Variants in SIX2 observed in about 807,000 individuals in gnomAD.
SIX2 encodes the protein homeobox protein SIX2.
SIX2 carries 20 observed loss-of-function variants against 22.8 expected under a neutral mutation model. That is an observed-to-expected ratio of 0.88 (90% confidence interval 0.62 to 1.28). The LOEUF is 1.28. Among genes scored for constraint, SIX2 ranks in the 50% most tolerant of loss-of-function variants. The pLI, the probability that SIX2 is intolerant of heterozygous loss-of-function variation, is 0.00. For missense variants in SIX2, 360 were observed against 400.0 expected, an observed-to-expected ratio of 0.90 and a Z score of 0.85; for synonymous variants, 195 against 186.4, an observed-to-expected ratio of 1.05 and a Z score of -0.37.
Position 45,006,188 on chromosome 2 carries a change from G to C in SIX2, c.858C>G (p.Leu286=). ...ATGGGTTCTAGGAGCCCAGGTCCACGAGGTTGGCTGACATGGGGTTGAGGA... is the reference window on the plus strand; with the variant it reads ...ATGGGTTCTAGGAGCCCAGGTCCACCAGGTTGGCTGACATGGGGTTGAGGA... ...DSILNPMSAN[L]VDLGS Residue 286 remains leucine (L), a synonymous_variant, in exon 2 of 2, where the codon CTC becomes CTG. Coordinates refer to ENST00000303077, the MANE Select transcript of SIX2 (RefSeq NM_016932.5). This position sits in a 1 kb window ranked among gnomAD's most constrained non-coding sequence, Gnocchi z 4.2. The C allele has an allele frequency of 6.2e-7, 1 of 1,614,250 alleles. No homozygotes were observed. Among genetic ancestry groups the C allele is most frequent in the Non-Finnish European group, 8.5e-7 (1 of 1,180,040 alleles).
rs1572649959 is a variant in SIX2, at chr2:45,008,736, C to T, written c.375G>A (p.Glu125=). The T allele has an allele frequency of 6.2e-7, 1 of 1,614,028 alleles. No individual in the cohort carries two copies. The highest frequency in any genetic ancestry group is 2.2e-5 in the East Asian group (1 of 44,872). The change falls in exon 1 of 2, where the codon GAG becomes GAA. Residue 125 remains glutamate (E), a synonymous_variant. Transcript: ENST00000303077. Reference sequence around the variant, plus strand: ...TTTCCTTGAAGCAGTAGCTGGTCTCCTCGCCGTCCCAGATGGAGCGCGGCA... The same window carrying T: ...TTTCCTTGAAGCAGTAGCTGGTCTCTTCGCCGTCCCAGATGGAGCGCGGCA... ...FPLPRSIWDG[E]ETSYCFKEKS...
In SIX2 at chr2:45,006,637, C is replaced by A; in HGVS notation, c.561-152G>T. 3.9e-6 allele frequency: 3 copies of A among 767,184 alleles called. No individual in the cohort carries two copies. In the South Asian group the frequency reaches 4.3e-5, roughly 11 times the overall value. The allele number at this position is 767,184 out of a possible 1,614,324, so 47.5% of individuals were successfully genotyped here. A position where few individuals can be genotyped will look rare whatever the true frequency, so the allele number is the denominator to read the frequency against. ...TTTTCGGTTTCTACCATTTCCTCGA[C>A]CTGGTCTGGGTTCTCCTTTCTGCCC... is the stretch of plus-strand genomic sequence containing the variant. On this transcript the variant is annotated intron_variant, in intron 1 of 1. Transcript: ENST00000303077. This position sits in a 1 kb window ranked among gnomAD's most constrained non-coding sequence, Gnocchi z 4.2.
rs1328658014 is a variant in SIX2, at chr2:45,009,123, G to T, written c.-13C>A. 6.5e-7 allele frequency: 1 copy of T among 1,539,668 alleles called. No individual in the cohort carries two copies. The highest frequency in any genetic ancestry group is 2.0e-5 in the Admixed American group (1 of 51,236). ...GCAGCATGGACATGGTGCCGGCTGCGTCCCCGCCCGCCCGCGCGCGCCCTC... is the reference window on the plus strand; with the variant it reads ...GCAGCATGGACATGGTGCCGGCTGCTTCCCCGCCCGCCCGCGCGCGCCCTC... On this transcript the variant is annotated 5_prime_UTR_variant, in exon 1 of 2. Transcript: ENST00000303077.
In SIX2 at chr2:45,009,136, C is replaced by A. The variant is rs1231607232; in HGVS notation, c.-26G>T. 11 of 1,522,284 alleles carry A rather than the reference C, an allele frequency of 7.2e-6. No individual in the cohort carries two copies. Among genetic ancestry groups the A allele is most frequent in the Non-Finnish European group, 9.6e-6 (11 of 1,141,732 alleles). 94.3% of individuals were successfully genotyped at this position (1,522,284 alleles called of 1,614,324 possible). A position where few individuals can be genotyped will look rare whatever the true frequency, so the allele number is the denominator to read the frequency against. ...GGTGCCGGCTGCGTCCCCGCCCGCCCGCGCGCGCCCTCACCGGGCCGCGCG... is the reference window on the plus strand; with the variant it reads ...GGTGCCGGCTGCGTCCCCGCCCGCCAGCGCGCGCCCTCACCGGGCCGCGCG... On this transcript the variant is annotated 5_prime_UTR_variant, in exon 1 of 2. Coordinates refer to ENST00000303077, the MANE Select transcript of SIX2 (RefSeq NM_016932.5).
chr2:45,007,773 C>T (rs1234666557), intron 1 of SIX2, among the ~76,000 whole-genome samples: 1 of 152,142 alleles, frequency 6.6e-6, no homozygotes, highest in African/African-American at 2.4e-5. Flanking sequence ...TAGGCTGGTT[C>T]AGGAAGTCCT....
chr2:45,009,018 G>A lies in SIX2; in HGVS notation c.93C>T (p.Gly31=). The stretch of plus-strand genomic sequence containing the variant: ...AGGCGGGCAGCGACCACAGGAAGCG[G>A]CCCAGCCGCTCGATGTTGCCGCCCT... ...LQQGGNIERL[G]RFLWSLPACE... is the part of the protein sequence containing the mutation. Residue 31 remains glycine (G), a synonymous_variant, in exon 1 of 2, where the codon GGC becomes GGT. Coordinates refer to ENST00000303077, the MANE Select transcript of SIX2 (RefSeq NM_016932.5). 6.2e-7 allele frequency: 1 copy of A among 1,610,592 alleles called. No homozygotes were observed. Among genetic ancestry groups the A allele is most frequent in the Non-Finnish European group, 8.5e-7 (1 of 1,179,702 alleles).
At position 45,008,859 on chromosome 2, in the gene SIX2, C is replaced by T. The variant is rs924892477; in HGVS notation, c.252G>A (p.Gln84=). 5.0e-6 allele frequency: 8 copies of T among 1,614,002 alleles called. No homozygotes were observed. The highest frequency in any genetic ancestry group is 6.8e-6 in the Non-Finnish European group (8 of 1,179,976). The change falls in exon 1 of 2, where the codon CAG becomes CAA. Residue 84 remains glutamine, a synonymous_variant. Transcript: ENST00000303077. ...QFSPHNHAKL[Q]QLWLKAHYIE... ...TGTAGTGTGCCTTGAGCCACAGCTG[C>T]TGCAGCTTGGCGTGGTTGTGCGGCG...
Position 45,006,424 on chromosome 2 carries a change from C to G in SIX2, c.622G>C (p.Val208Leu), listed in dbSNP as rs1190926704. The G allele has an allele frequency of 1.2e-6, 2 of 1,614,066 alleles. No individual in the cohort carries two copies. The highest frequency in any genetic ancestry group is 1.7e-6 in the Non-Finnish European group (2 of 1,180,046). Residue 208 changes from valine to leucine, a missense_variant, in exon 2 of 2, where the codon GTG (valine) becomes CTG (leucine). Transcript: ENST00000303077. This position sits in a 1 kb window ranked among gnomAD's most constrained non-coding sequence, Gnocchi z 4.2. ...HNPLNGSGKS[V>L]LGSSEDEKTP... Reference sequence around the variant, plus strand: ...TTCTCATCCTCCGAGCTGCCTAACACCGACTTGCCGCTGCCATTCAGCGGG... The same window carrying G: ...TTCTCATCCTCCGAGCTGCCTAACAGCGACTTGCCGCTGCCATTCAGCGGG...
In SIX2 at chr2:45,009,268, G is replaced by T; in HGVS notation, c.-158C>A. 1 of 454,582 alleles carries T rather than the reference G, an allele frequency of 2.2e-6. No individual in the cohort carries two copies. Among genetic ancestry groups the T allele is most frequent in the Non-Finnish European group, 3.2e-6 (1 of 307,994 alleles). 28.2% of individuals were successfully genotyped at this position (454,582 alleles called of 1,614,324 possible). ...GGTGAGCCCCGAGTCACTGCCGTAC[G>T]TCCCCGCGCCGGCCGCGGGTCCCAC... is the stretch of plus-strand genomic sequence containing the variant. On this transcript the variant is annotated 5_prime_UTR_variant, in exon 1 of 2. Coordinates refer to ENST00000303077, the MANE Select transcript of SIX2 (RefSeq NM_016932.5).
In SIX2 at chr2:45,008,968, C is replaced by G; in HGVS notation, c.143G>C (p.Ser48Thr). The G allele has an allele frequency of 6.2e-7, 1 of 1,613,672 alleles. No individual in the cohort carries two copies. Among genetic ancestry groups the G allele is most frequent in the South Asian group, 1.1e-5 (1 of 91,088 alleles). The change falls in exon 1 of 2, where the codon AGC becomes ACC. Residue 48 changes from serine (S) to threonine (T), a missense_variant. Coordinates refer to ENST00000303077, the MANE Select transcript of SIX2 (RefSeq NM_016932.5). ...PACEHLHKNE[S>T]VLKAKAVVAF... ...CACCACGGCCTTGGCCTTGAGCACG[C>G]TTTCATTCTTGTGAAGGTGCTCGCA...
chr2:45,007,917 A>C (rs1348940206), intron 1 of SIX2, among the ~76,000 whole-genome samples: 1 of 152,128 alleles, frequency 6.6e-6, no homozygotes, highest in Non-Finnish European at 1.5e-5. Flanking sequence ...AAGGGCGGCT[A>C]TCTCTAGCAA....
At position 45,008,540 on chromosome 2, in the gene SIX2, C is replaced by T. The variant is rs1667810845; in HGVS notation, c.560+11G>A. The T allele has an allele frequency of 6.2e-7, 1 of 1,613,038 alleles. No individual in the cohort carries two copies. The highest frequency in any genetic ancestry group is 8.5e-7 in the Non-Finnish European group (1 of 1,179,868). On this transcript the variant is annotated intron_variant, in intron 1 of 1. Coordinates refer to ENST00000303077, the MANE Select transcript of SIX2 (RefSeq NM_016932.5). The stretch of plus-strand genomic sequence containing the variant: ...GGGAGCTGGCGCCGAAGAAGGTCTA[C>T]TTACTCGTACCTTTCCTTGGCCTCG...
Position 45,006,385 on chromosome 2 carries a change from TC to T in SIX2, c.660del (p.Thr221ArgfsTer77). 6.2e-7 allele frequency: 1 copy of T among 1,614,068 alleles called. No individual in the cohort carries two copies. The highest frequency in any genetic ancestry group is 8.5e-7 in the Non-Finnish European group (1 of 1,180,012). On this transcript the variant is annotated frameshift_variant, in exon 2 of 2. Coordinates refer to ENST00000303077, the MANE Select transcript of SIX2 (RefSeq NM_016932.5). LOFTEE classifies it high-confidence loss of function. The surrounding 1 kb of genome is among the most constrained non-coding windows in gnomAD (Gnocchi z 4.2). ...GSSEDEKTPS[G>X]TPDHSSSSPA... Reference sequence around the variant, plus strand: ...GGGCTGGATGATGAGTGGTCTGGCGTCCCCGATGGAGTCTTCTCATCCTCCG... The same window carrying T: ...GGGCTGGATGATGAGTGGTCTGGCGTCCCGATGGAGTCTTCTCATCCTCCG...
chr2:45,006,051 T>TCAGCC lies in SIX2; in HGVS notation c.*114_*118dup. On this transcript the variant is annotated 3_prime_UTR_variant, in exon 2 of 2. Coordinates refer to ENST00000303077, the MANE Select transcript of SIX2 (RefSeq NM_016932.5). The surrounding 1 kb of genome is among the most constrained non-coding windows in gnomAD (Gnocchi z 4.2). ...TGCCCTACCCGGCTGTTCTACCCGC[T>TCAGCC]CAGCCTGCGGGTCTTTCAGTACCTG... 1 of 1,075,554 alleles carries TCAGCC rather than the reference T, an allele frequency of 9.3e-7. No individual in the cohort carries two copies. The highest frequency in any genetic ancestry group is 1.7e-5 in the Admixed American group (1 of 58,558). 66.6% of individuals were successfully genotyped at this position (1,075,554 alleles called of 1,614,324 possible). A position where few individuals can be genotyped will look rare whatever the true frequency, so the allele number is the denominator to read the frequency against.
chr2:45,008,793 C>T lies in SIX2; in HGVS notation c.318G>A (p.Val106=), dbSNP rs1399929699. The T allele has an allele frequency of 1.2e-6, 2 of 1,613,852 alleles. No homozygotes were observed. Among genetic ancestry groups the T allele is most frequent in the East Asian group, 2.2e-5 (1 of 44,874 alleles). Reference sequence around the variant, plus strand: ...ATTTGCGGCGCACGCGGTATTTGCCCACGGCGCCCAGGGGTCGGCCGCGCA... The same window carrying T: ...ATTTGCGGCGCACGCGGTATTTGCCTACGGCGCCCAGGGGTCGGCCGCGCA... ...EKLRGRPLGA[V]GKYRVRRKFP... is the part of the protein sequence containing the mutation. Residue 106 remains valine, a synonymous_variant, in exon 1 of 2, where the codon GTG becomes GTA. Coordinates refer to ENST00000303077, the MANE Select transcript of SIX2 (RefSeq NM_016932.5).
At chr2:45,008,075 A>G (rs561650458) in intron 1 of SIX2, among the ~76,000 whole-genome samples, 38 of 152,290 alleles carry the variant, frequency 2.5e-4, no homozygotes, top group Non-Finnish European at 4.7e-4. Context: ...CATCCAGGTC[A>G]TTCTAGGGAA....
chr2:45,008,526 C>A (rs370294721), intron 1 of SIX2, 25 bp downstream of exon 1: 134 of 1,610,466 alleles, frequency 8.3e-5, no homozygotes, highest in Admixed American at 1.3e-4. Flanking sequence ...GGAGCTGGCG[C>A]CGAAGAAGGT....
Position 45,006,187 on chromosome 2 carries a change from C to G in SIX2, c.859G>C (p.Val287Leu), listed in dbSNP as rs773807534. Residue 287 changes from valine to leucine, a missense_variant, in exon 2 of 2, where the codon GTG (valine) becomes CTG (leucine). Transcript: ENST00000303077. This position sits in a 1 kb window ranked among gnomAD's most constrained non-coding sequence, Gnocchi z 4.2. ...SILNPMSANLVDLGS is the reference protein window; with the variant it reads ...SILNPMSANLLDLGS ...AATGGGTTCTAGGAGCCCAGGTCCACGAGGTTGGCTGACATGGGGTTGAGG... is the reference window on the plus strand; with the variant it reads ...AATGGGTTCTAGGAGCCCAGGTCCAGGAGGTTGGCTGACATGGGGTTGAGG... The G allele has an allele frequency of 6.2e-7, 1 of 1,614,210 alleles. No individual in the cohort carries two copies. The highest frequency in any genetic ancestry group is 1.7e-5 in the Admixed American group (1 of 60,030).
chr2:45,008,490 C>G, intron 1 of SIX2, 61 bp downstream of exon 1: 7 of 1,568,742 alleles, frequency 4.5e-6, no homozygotes, highest in Non-Finnish European at 5.2e-6. Flanking sequence ...GGCAGAAGCC[C>G]TGCGAACCCC....
Sources: gnomAD v4.1 joint callset for allele counts (sites outside exome capture counted in the v4.1 genomes callset) on GRCh38, gnomAD v4.1.1 for gene constraint, Gnocchi (gnomAD v3.1) non-coding constraint, MANE v1.5 for transcripts, NCBI Gene and HGNC (gene_info 2026-07-23, HGNC 2026-07-21) for gene names.